The following CYLD variants were observed in gnomAD, a reference collection of about 807,000 sequenced individuals.
The protein encoded by CYLD is ubiquitin carboxyl-terminal hydrolase CYLD.
Under a neutral mutation model 104.5 loss-of-function variants are expected in CYLD, and 26 were observed. The ratio of observed to expected loss-of-function variants is 0.25; its 90% confidence interval spans 0.18 to 0.35. The LOEUF is 0.35. CYLD is among the 10% of genes least tolerant of loss of function. The pLI is 1.00. For synonymous variants in CYLD, 385 were observed against 399.9 expected, an observed-to-expected ratio of 0.96 and a Z score of 0.45; for missense variants, 703 against 1,136.1, an observed-to-expected ratio of 0.62 and a Z score of 5.48.
At chr16:50,747,847 A>C (rs1379005280) in intron 2 of CYLD, among the ~76,000 whole-genome samples, 1 of 152,258 alleles carries the variant, frequency 6.6e-6, no homozygotes, top group East Asian at 1.9e-4. Flanking sequence ...ACTGAGTGTT[A>C]CACAGATATT....
chr16:50,749,862 T>C lies in CYLD; in HGVS notation c.164T>C (p.Val55Ala). The C allele has an allele frequency of 2.5e-6, 4 of 1,614,154 alleles. No homozygotes were observed. The highest frequency in any genetic ancestry group is 2.7e-5 in the African/African-American group (2 of 75,050). Residue 55 changes from valine (V) to alanine (A), a missense_variant, in exon 3 of 19, where the codon GTG becomes GCG. Around this residue, in one of 5 missense-constraint regions of CYLD, gnomAD observed 142 missense variants for 165.1 expected, o/e 0.86. Coordinates refer to ENST00000427738, the MANE Select transcript of CYLD (RefSeq NM_001378743.1). ...GGACAGTATATTCAAGATCGTTCTGTGGGGCATTCAAGGATTCCTTCTGCA... is the reference window on the plus strand; with the variant it reads ...GGACAGTATATTCAAGATCGTTCTGCGGGGCATTCAAGGATTCCTTCTGCA... ...SIGQYIQDRS[V>A]GHSRIPSAKG...
intron 14 of CYLD, among the ~76,000 whole-genome samples, chr16:50,789,054 A>G (rs932848835): frequency 6.6e-6 from 1 of 152,230 alleles, no homozygotes; most frequent in Admixed American, 6.5e-5. Context: ...TGAAGTGGGA[A>G]AAAATCTTGA....
chr16:50,758,657 A>G (rs1967551583), intron 5 of CYLD, among the ~76,000 whole-genome samples: 1 of 152,138 alleles, frequency 6.6e-6, no homozygotes, highest in Non-Finnish European at 1.5e-5. Context: ...GATCCCATCA[A>G]GATTTGCAGA....
At chr16:50,771,270 C>T (rs142321000) in intron 5 of CYLD, among the ~76,000 whole-genome samples, 5 of 152,284 alleles carry the variant, frequency 3.3e-5, no homozygotes, top group African/African-American at 9.6e-5. Flanking sequence ...AGATATGTGG[C>T]TTTTGTGTCT....
chr16:50,763,938 C>T (rs1352179203), intron 5 of CYLD, among the ~76,000 whole-genome samples: 4 of 152,144 alleles, frequency 2.6e-5, no homozygotes. Context: ...AGTTTTCTAA[C>T]AGTTTTATCA....
At chr16:50,756,881 A>G (rs1037437575) in intron 5 of CYLD, among the ~76,000 whole-genome samples, 2 of 152,206 alleles carry the variant, frequency 1.3e-5, no homozygotes, top group African/African-American at 2.4e-5. Flanking sequence ...CAGAATTTAA[A>G]TCCACACCTG....
intron 5 of CYLD, among the ~76,000 whole-genome samples, chr16:50,769,855 G>A (rs554754777): frequency 2.0e-5 from 3 of 152,254 alleles, no homozygotes; most frequent in African/African-American, 4.8e-5. Context: ...GTCGATTTCT[G>A]TAATTCAGTC....
intron 12 of CYLD, chr16:50,785,924 G>A (rs1055893142): frequency 2.0e-5 from 3 of 152,222 alleles, no homozygotes; most frequent in Non-Finnish European, 4.4e-5. Context: ...AAACTAATGA[G>A]TGAATGAATA....
chr16:50,786,918 T>C lies in CYLD; in HGVS notation c.2013T>C (p.Ala671=), dbSNP rs1970894622. Residue 671 remains alanine, a synonymous_variant, in exon 13 of 19, where the codon GCT becomes GCC. Transcript: ENST00000427738. ...GGAAAATACTTGAAAAGGTGGAGGC[T>C]GCATCAGGATTTACCTCTGAAGAAA... ...KLRKILEKVE[A]ASGFTSEEKD... 3.1e-6 allele frequency: 5 copies of C among 1,614,030 alleles called. No individual in the cohort carries two copies. The highest frequency in any genetic ancestry group is 4.2e-6 in the Non-Finnish European group (5 of 1,179,914).
At chr16:50,750,527 C>T (rs556407189) in intron 3 of CYLD, among the ~76,000 whole-genome samples, 1 of 152,126 alleles carries the variant, frequency 6.6e-6, no homozygotes, top group Non-Finnish European at 1.5e-5. Context: ...TATATTTTGA[C>T]ATTCTTGCAA....
intron 8 of CYLD, among the ~76,000 whole-genome samples, chr16:50,779,078 G>A (rs935933462): frequency 6.6e-6 from 1 of 152,052 alleles, no homozygotes; most frequent in African/African-American, 2.4e-5. Context: ...TCTCTCTTCT[G>A]TTGTTTCTGT....
chr16:50,781,154 G>A, intron 9 of CYLD, 92 bp from the exon 10 acceptor site: 1 of 1,383,280 alleles, frequency 7.2e-7, no homozygotes, highest in Non-Finnish European at 1.0e-6. Context: ...GTGAGAAAGG[G>A]TATACTAGAA....
At chr16:50,767,290 AT>A (rs778971375) in intron 5 of CYLD, among the ~76,000 whole-genome samples, 16 of 152,240 alleles carry the variant, frequency 1.1e-4, no homozygotes, top group Non-Finnish European at 2.9e-5. Context: ...TTTCAATAAC[AT>A]AATGGTATTG....
intron 5 of CYLD, among the ~76,000 whole-genome samples, chr16:50,755,029 ATATG>A (rs1966908674): frequency 1.8e-5 from 1 of 56,562 alleles, no homozygotes; most frequent in South Asian, 4.8e-4. Flanking sequence ...ATATACATAT[ATATG>A]TATATATACA....
chr16:50,753,555 C>A (rs1966794672), intron 4 of CYLD, among the ~76,000 whole-genome samples: 1 of 152,216 alleles, frequency 6.6e-6, no homozygotes, highest in Non-Finnish European at 1.5e-5. Flanking sequence ...ATTCCAAACA[C>A]TTCTATTATA....
intron 2 of CYLD, among the ~76,000 whole-genome samples, chr16:50,744,079 TG>T (rs1189913789): frequency 1.3e-5 from 2 of 152,188 alleles, no homozygotes; most frequent in Non-Finnish European, 2.9e-5. Flanking sequence ...AATATAAAAA[TG>T]AAGGACTTGG....
chr16:50,794,259 A>T lies in CYLD; in HGVS notation c.2517A>T (p.Ser839=). 2 of 1,614,164 alleles carry T rather than the reference A, an allele frequency of 1.2e-6. No individual in the cohort carries two copies. Among genetic ancestry groups the T allele is most frequent in the Non-Finnish European group, 1.7e-6 (2 of 1,180,022 alleles). Residue 839 remains serine (S), a synonymous_variant, in exon 18 of 19, where the codon TCA becomes TCT. Transcript: ENST00000427738. This position sits in a 1 kb window ranked among gnomAD's most constrained non-coding sequence, Gnocchi z 4.1. ...TGAATCATAAATATAACCCAGTGTC[A>T]CTTCCCAAAGACTTACCCGACTGGG... ...KRLNHKYNPV[S]LPKDLPDWDW...
intron 5 of CYLD, among the ~76,000 whole-genome samples, chr16:50,763,158 A>T (rs1028386086): frequency 1.8e-4 from 28 of 152,198 alleles, no homozygotes; most frequent in African/African-American, 6.3e-4. Flanking sequence ...TTCACTTAGC[A>T]TAATGTTTTC....
At chr16:50,788,872 T>G (rs1971120583) in intron 14 of CYLD, among the ~76,000 whole-genome samples, 1 of 152,238 alleles carries the variant, frequency 6.6e-6, no homozygotes, top group Non-Finnish European at 1.5e-5. Context: ...TTTATTGAGA[T>G]AGATTTTTTT....
Sources: gnomAD v4.1 joint callset for allele counts (sites outside exome capture counted in the v4.1 genomes callset) on GRCh38, gnomAD v4.1.1 for gene constraint, gnomAD v4.1.1 regional missense constraint, Gnocchi (gnomAD v3.1) non-coding constraint, MANE v1.5 for transcripts, NCBI Gene and HGNC (gene_info 2026-07-23, HGNC 2026-07-21) for gene names.